The following FRS3 variants were observed in gnomAD, a reference collection of about 807,000 sequenced individuals.
The protein encoded by FRS3 is fibroblast growth factor receptor substrate 3, also known as FGFR substrate 3.
A neutral mutation model predicts 41.9 loss-of-function variants in FRS3; 17 were observed. The observed-to-expected ratio is 0.41, with a 90% confidence interval of 0.28 to 0.61. The LOEUF (loss-of-function observed/expected upper bound fraction) is 0.61. Among genes scored for constraint, FRS3 ranks in the 20% least tolerant of loss-of-function variants. The probability of loss-of-function intolerance (pLI) is 0.36; values close to 1 mark genes in which losing one functional copy is unlikely to be tolerated. For missense variants in FRS3, 619 were observed against 672.1 expected (o/e 0.92, Z 0.87); for synonymous variants, 287 against 274.5 (o/e 1.05, Z -0.45).
At chr6:41,775,748 G>T (rs913246169) in intron 3 of FRS3, 143 bp from the exon 4 acceptor site, 91 of 680,396 alleles carry the variant, frequency 1.3e-4, no homozygotes, top group Non-Finnish European at 5.5e-5. Context: ...TCTACTGAAT[G>T]CCACATAACT....
rs1292773282 is a variant in FRS3 at position 41,771,932 on chromosome 6, C to T, written c.448G>A (p.Gly150Ser). 4 of 1,562,994 alleles carry T rather than the reference C, an allele frequency of 2.6e-6. No individual in the cohort carries two copies. In the South Asian group the frequency reaches 4.7e-5, roughly 18 times the overall value. ...AATCGTGGGCCCTCTCCAGGGCAGC[C>T]ATTGGAAAAGCTGGAGACAGTGTAG... Reference protein sequence around the residue: ...LGYTVSSFSNGCPGEGPRFSA... With the variant: ...LGYTVSSFSNSCPGEGPRFSA... Residue 150 changes from glycine (G) to serine (S), a missense_variant, in exon 6 of 7, where the codon GGC becomes AGC. Around this residue, in one of 3 missense-constraint regions of FRS3, gnomAD observed 487 missense variants for 478.3 expected, o/e 1.02. Transcript: ENST00000373018.
rs202151715 is a variant in FRS3, at chr6:41,771,358, G to C, written c.740C>G (p.Thr247Ser). ...PGQVKFVLGP[T>S]PARRHMVKCQ... ...CTTCACCATGTGCCGCCGAGCAGGG[G>C]TCGGGCCCAACACAAACTTCACCTG... Residue 247 changes from threonine (T) to serine (S), a missense_variant, in exon 7 of 7, where the codon ACC (threonine) becomes AGC (serine). Around this residue, in one of 3 missense-constraint regions of FRS3, gnomAD observed 487 missense variants for 478.3 expected, o/e 1.02. Transcript: ENST00000373018. 18 of 1,613,520 alleles carry C rather than the reference G, an allele frequency of 1.1e-5. No homozygotes were observed. The highest frequency in any genetic ancestry group is 5.5e-5 in the South Asian group (5 of 90,958).
In FRS3 at chr6:41,779,104, G is replaced by T. The variant is rs188853481; in HGVS notation, c.-168+712C>A. 3.2e-3 allele frequency among the ~76,000 whole-genome samples: 491 copies of T among 152,286 alleles called. 2 individuals carry two copies. Among genetic ancestry groups the T allele is most frequent in the Non-Finnish European group, 3.2e-3 (220 of 68,022 alleles). Reference sequence around the variant, plus strand: ...TTGCTGGGAAAATACTGGGGCTTGAGCCACCGACGGGGGCACGGCGCGGGC... The same window carrying T: ...TTGCTGGGAAAATACTGGGGCTTGATCCACCGACGGGGGCACGGCGCGGGC... On this transcript the variant is annotated intron_variant, in intron 1 of 6. Coordinates refer to ENST00000373018, the MANE Select transcript of FRS3 (RefSeq NM_006653.5).
chr6:41,770,564 G>T lies in FRS3; in HGVS notation c.*55C>A. On this transcript the variant is annotated 3_prime_UTR_variant, in exon 7 of 7. Transcript: ENST00000373018. ...GAGGGTGGGTTCAGAGGACAGGAGT[G>T]TGAGGCAGAGGCTGGATCATGGTGG... The T allele has an allele frequency of 1.9e-6, 3 of 1,568,120 alleles. No individual in the cohort carries two copies. Among genetic ancestry groups the T allele is most frequent in the Middle Eastern group, 1.7e-4 (1 of 5,930 alleles).
At chr6:41,779,109 C>T (rs1772470928) in intron 1 of FRS3, among the ~76,000 whole-genome samples, 3 of 152,082 alleles carry the variant, frequency 2.0e-5, no homozygotes, top group Admixed American at 2.0e-4. Flanking sequence ...CTTGAGCCAC[C>T]GACGGGGGCA....
chr6:41,779,522 C>T (rs1438810119), intron 1 of FRS3, among the ~76,000 whole-genome samples: 5 of 151,812 alleles, frequency 3.3e-5, no homozygotes, highest in Non-Finnish European at 1.5e-5. Flanking sequence ...TCTGAGGGCT[C>T]CAGGAGATGC....
intron 2 of FRS3, 64 bp downstream of exon 2, chr6:41,777,969 T>C (rs1772444820): frequency 6.5e-6 from 1 of 152,718 alleles, no homozygotes; most frequent in South Asian, 2.1e-4. Context: ...CCAGGTGACC[T>C]GTACCCTCTG....
chr6:41,773,155 T>G (rs1056109390), intron 4 of FRS3, among the ~76,000 whole-genome samples, 196 bp from the exon 5 acceptor site: 1 of 152,096 alleles, frequency 6.6e-6, no homozygotes, highest in Non-Finnish European at 1.5e-5. Flanking sequence ...CAGGCTGGAG[T>G]GCAATGGTGC....
rs1476051213 is a variant in FRS3 at position 41,771,247 on chromosome 6, T to C, written c.851A>G (p.Lys284Arg). 6.3e-7 allele frequency: 1 copy of C among 1,599,254 alleles called. No homozygotes were observed. The highest frequency in any genetic ancestry group is 8.5e-7 in the Non-Finnish European group (1 of 1,170,384). ...EAPSECPAQP[K>R]CTYENVTGGL... ...CCCGGTGACGTTCTCGTAGGTGCAC[T>C]TGGGCTGGGCTGGACACTCAGAAGG... Residue 284 changes from lysine to arginine, a missense_variant, in exon 7 of 7, where the codon AAG becomes AGG. Physicochemically the swap from Lys to Arg is conservative, Grantham distance 26. Transcript: ENST00000373018.
chr6:41,778,868 A>G (rs35398242), intron 1 of FRS3, among the ~76,000 whole-genome samples: 86,326 of 151,474 alleles, frequency 0.57, 24,846 homozygotes, highest in Admixed American at 0.66. Flanking sequence ...AAATTTCAGG[A>G]TATCTGAGCC....
rs1004583727 is a variant in FRS3 at position 41,778,547 on chromosome 6, A to G, written c.-167-371T>C. 7.8e-4 allele frequency among the ~76,000 whole-genome samples: 119 copies of G among 152,318 alleles called. 1 individual carries two copies. Among genetic ancestry groups the G allele is most frequent in the Middle Eastern group, 6.8e-3 (2 of 294 alleles). Reference sequence around the variant, plus strand: ...AAGGACACTGTGATATAGTAGAGACAGCACTGGTTTAAGACTCAGGAAACC... The same window carrying G: ...AAGGACACTGTGATATAGTAGAGACGGCACTGGTTTAAGACTCAGGAAACC... On this transcript the variant is annotated intron_variant, in intron 1 of 6. Coordinates refer to ENST00000373018, the MANE Select transcript of FRS3 (RefSeq NM_006653.5).
At position 41,776,806 on chromosome 6, in the gene FRS3, A is replaced by G. The variant is rs1772421102; in HGVS notation, c.66+116T>C. 6 of 892,280 alleles carry G rather than the reference A, an allele frequency of 6.7e-6. No homozygotes were observed. The East Asian group carries it at 1.4e-4, about 22-fold the overall frequency. 55.3% of individuals were successfully genotyped at this position (892,280 alleles called of 1,614,324 possible). A position where few individuals can be genotyped will look rare whatever the true frequency, so the allele number is the denominator to read the frequency against. ...GAGCTCAAGAAGTCTCCATAAGCCC[A>G]CAACCTCAGCCTGGCATTTGATTTG... On this transcript the variant is annotated intron_variant, in intron 3 of 6. Transcript: ENST00000373018.
rs141634590 is a variant in FRS3, at chr6:41,770,729, C to T, written c.1369G>A (p.Val457Met). ...GCCACGGTCTTTTTGAGGTCAATCA[C>T]GGCGTAGGAGTCTGAGCTTCGGGCA... ...HPARSSDSYA[V>M]IDLKKTVAMS... The change falls in exon 7 of 7, where the codon GTG (valine) becomes ATG (methionine). Residue 457 changes from valine to methionine, a missense_variant. Val to Met is a conservative substitution (Grantham distance 21). Around this residue, in one of 3 missense-constraint regions of FRS3, gnomAD observed 32 missense variants for 55.6 expected, o/e 0.58. Coordinates refer to ENST00000373018, the MANE Select transcript of FRS3 (RefSeq NM_006653.5). 9.3e-6 allele frequency: 15 copies of T among 1,612,036 alleles called. No homozygotes were observed. The highest frequency in any genetic ancestry group is 6.7e-5 in the African/African-American group (5 of 74,262).
intron 4 of FRS3, 22 bp downstream of exon 4, chr6:41,775,397 T>C (rs766630300): frequency 8.2e-6 from 13 of 1,588,600 alleles, no homozygotes; most frequent in Non-Finnish European, 6.8e-6. Flanking sequence ...TATCCCAGGG[T>C]GGAGCAGGGC....
intron 2 of FRS3, chr6:41,777,750 T>A (rs1463313395): frequency 6.6e-6 from 1 of 152,174 alleles, no homozygotes; most frequent in Non-Finnish European, 1.5e-5. Flanking sequence ...CCCTCCAGGA[T>A]TCCAGTACTT....
At chr6:41,773,108 CTT>C in intron 4 of FRS3, 149 bp from the exon 5 acceptor site, 1 of 629,614 alleles carries the variant, frequency 1.6e-6, no homozygotes, top group Non-Finnish European at 2.8e-6. Flanking sequence ...CATTCTTTTT[CTT>C]TTCTTTTTTG....
intron 4 of FRS3, among the ~76,000 whole-genome samples, 154 bp from the exon 5 acceptor site, chr6:41,773,113 CT>C (rs1045415203): frequency 3.2e-4 from 48 of 152,090 alleles, no homozygotes; most frequent in Middle Eastern, 3.4e-3. Context: ...TTTTTCTTTT[CT>C]TTTTTGAGAT....
At position 41,770,323 on chromosome 6, in the gene FRS3, C is replaced by T. The variant is rs549498422; in HGVS notation, c.*296G>A. On this transcript the variant is annotated 3_prime_UTR_variant, in exon 7 of 7. Transcript: ENST00000373018. ...AAAACACACACGGACAGTCGGCAGA[C>T]AAGACAAATGGACAGAACGGGAGGG... The T allele has an allele frequency of 6.2e-5, 25 of 406,414 alleles. No individual in the cohort carries two copies. The highest frequency in any genetic ancestry group is 4.3e-4 in the African/African-American group (21 of 48,992). The allele number at this position is 406,414 out of a possible 1,614,324, so 25.2% of individuals were successfully genotyped here.
Position 41,770,984 on chromosome 6 carries a change from T to C in FRS3, c.1114A>G (p.Lys372Glu). ...DGEEDETPLQ[K>E]PTSTRAAIRS... ...ATGGCGGCCCGGGTGCTGGTGGGCT[T>C]CTGCAGTGGGGTCTCGTCCTCCTCA... The change falls in exon 7 of 7, where the codon AAG becomes GAG. Residue 372 changes from lysine to glutamate, a missense_variant. By Grantham distance (56) the Lys-to-Glu change is moderately conservative. Around this residue, in one of 3 missense-constraint regions of FRS3, gnomAD observed 487 missense variants for 478.3 expected, o/e 1.02. Coordinates refer to ENST00000373018, the MANE Select transcript of FRS3 (RefSeq NM_006653.5). 6.2e-7 allele frequency: 1 copy of C among 1,613,024 alleles called. No homozygotes were observed. The highest frequency in any genetic ancestry group is 8.5e-7 in the Non-Finnish European group (1 of 1,179,902).
Sources: allele counts gnomAD v4.1 joint callset (sites outside exome capture counted in the v4.1 genomes callset), GRCh38; gene constraint gnomAD v4.1.1; regional missense constraint gnomAD v4.1.1; transcripts MANE v1.5; gene names NCBI Gene and HGNC (gene_info 2026-07-23, HGNC 2026-07-21).